The following NCAM1 variants were observed in gnomAD, a reference collection of about 807,000 sequenced individuals.
The protein encoded by NCAM1 is neural cell adhesion molecule 1, also known as antigen recognized by monoclonal antibody 5.1H11.
Under a neutral mutation model 109.8 loss-of-function variants are expected in NCAM1, and 14 were observed. The observed-to-expected ratio is 0.13, with a 90% CI of 0.08 to 0.20. NCAM1 has a LOEUF of 0.20. NCAM1 is among the 10% of genes least tolerant of loss of function. The pLI, the probability that NCAM1 is intolerant of heterozygous loss-of-function variation, is 1.00. For missense variants in NCAM1, 774 were observed against 1,109.9 expected, an observed-to-expected ratio of 0.70 and a Z score of 4.30; for synonymous variants, 418 against 442.9, an observed-to-expected ratio of 0.94 and a Z score of 0.70.
chr11:113,015,146 C>T (rs1952175597), intron 1 of NCAM1, among the ~76,000 whole-genome samples: 1 of 152,196 alleles, frequency 6.6e-6, no homozygotes, highest in Non-Finnish European at 1.5e-5. Context: ...CTTCTTGCAC[C>T]TCACCCTCTC....
Position 113,260,185 on chromosome 11 carries a change from G to T in NCAM1, c.1993G>T (p.Gly665Cys), listed in dbSNP as rs1591468019. ...GAAACCAGAGATCAGGCTCCCGTCT[G>T]GCAGTGACCACGTCATGCTGAAGTC... ...EWKPEIRLPS[G>C]SDHVMLKSLD... The change falls in exon 17 of 20, where the codon GGC becomes TGC. Residue 665 changes from glycine to cysteine, a missense_variant. Gly to Cys is a radical substitution (Grantham distance 159). This residue lies in a region of NCAM1 where 523 missense variants were observed against 784.2 expected (regional missense o/e 0.67). Coordinates refer to ENST00000316851, the MANE Select transcript of NCAM1 (RefSeq NM_181351.5). 6.2e-7 allele frequency: 1 copy of T among 1,613,874 alleles called. No individual in the cohort carries two copies. The highest frequency in any genetic ancestry group is 2.2e-5 in the East Asian group (1 of 44,868).
intron 1 of NCAM1, among the ~76,000 whole-genome samples, chr11:113,175,986 CA>C (rs1943133010): frequency 6.6e-6 from 1 of 152,032 alleles, no homozygotes; most frequent in African/African-American, 2.4e-5. Flanking sequence ...CATGTACTCC[CA>C]AAATATGTAT....
At chr11:113,260,420 C>CTT in intron 17 of NCAM1, 97 bp downstream of exon 17, 1 of 1,317,602 alleles carries the variant, frequency 7.6e-7, no homozygotes, top group South Asian at 1.4e-5. Flanking sequence ...AACTTGCTTG[C>CTT]TTACAGCCAT....
chr11:113,263,207 G>A, intron 17 of NCAM1: 1 of 1,102,420 alleles, frequency 9.1e-7, no homozygotes. Context: ...AAACCATCAT[G>A]CTAGATTTAC....
At chr11:112,985,210 G>A (rs1951267109) in intron 1 of NCAM1, among the ~76,000 whole-genome samples, 1 of 148,314 alleles carries the variant, frequency 6.7e-6, no homozygotes, top group South Asian at 2.1e-4. Context: ...ATATCCTTGG[G>A]TTTATTTCTG....
chr11:113,087,856 T>C (rs1591313877), intron 1 of NCAM1, among the ~76,000 whole-genome samples: 1 of 152,188 alleles, frequency 6.6e-6, no homozygotes, highest in East Asian at 1.9e-4. Flanking sequence ...CTTGAGGCAT[T>C]ATAGAGGTCA....
At chr11:113,140,909 GT>G (rs1313004937) in intron 1 of NCAM1, among the ~76,000 whole-genome samples, 3 of 150,198 alleles carry the variant, frequency 2.0e-5, no homozygotes, top group African/African-American at 7.4e-5. Flanking sequence ...CATTTTTTTT[GT>G]TTTTTTCTGA....
At chr11:113,258,809 A>C (rs1945898968) in intron 16 of NCAM1, among the ~76,000 whole-genome samples, 2 of 152,194 alleles carry the variant, frequency 1.3e-5, no homozygotes, top group African/African-American at 4.8e-5. Context: ...TCAAGAACAC[A>C]ATTAAGAAAA....
chr11:113,027,677 A>T (rs1385210917), intron 1 of NCAM1, among the ~76,000 whole-genome samples: 1 of 152,192 alleles, frequency 6.6e-6, no homozygotes, highest in Non-Finnish European at 1.5e-5. Context: ...GAACTGTCTC[A>T]CCCTGAACTG....
intron 1 of NCAM1, among the ~76,000 whole-genome samples, chr11:113,067,405 C>T (rs1938019467): frequency 6.6e-6 from 1 of 152,196 alleles, no homozygotes; most frequent in South Asian, 2.1e-4. Flanking sequence ...ACGGATATGA[C>T]CTCACAATTA....
At chr11:113,245,556 C>T (rs1042256583) in intron 14 of NCAM1, among the ~76,000 whole-genome samples, 1 of 152,188 alleles carries the variant, frequency 6.6e-6, no homozygotes, top group African/African-American at 2.4e-5. Flanking sequence ...ATTGTCTCAA[C>T]CATCAGAAGG....
chr11:113,128,776 A>T (rs148384573), intron 1 of NCAM1, among the ~76,000 whole-genome samples: 86 of 152,182 alleles, frequency 5.7e-4, no homozygotes, highest in Middle Eastern at 3.4e-3. Flanking sequence ...GAGTGGAGAG[A>T]TAGGGAGGAG....
In NCAM1 at chr11:113,162,617, G is replaced by C. The variant is rs147131306; in HGVS notation, c.53-39762G>C. 1.4e-3 allele frequency among the ~76,000 whole-genome samples: 212 copies of C among 152,300 alleles called. 1 individual carries two copies. The highest frequency in any genetic ancestry group is 5.2e-3 in the Admixed American group (79 of 15,296). ...AAAAATTGTTTTAATGGATTTTTGA[G>C]ATAAATATGAATTGCTGTGGAGGGA... On this transcript the variant is annotated intron_variant, in intron 1 of 19. Coordinates refer to ENST00000316851, the MANE Select transcript of NCAM1 (RefSeq NM_181351.5).
intron 1 of NCAM1, among the ~76,000 whole-genome samples, chr11:113,024,436 C>T (rs1555076819): frequency 6.6e-6 from 1 of 152,042 alleles, no homozygotes; most frequent in Non-Finnish European, 1.5e-5. Context: ...TCACTTCATT[C>T]TGTGTTTGTT....
chr11:113,111,812 C>T (rs558403093), intron 1 of NCAM1, among the ~76,000 whole-genome samples: 84 of 152,070 alleles, frequency 5.5e-4, no homozygotes, highest in South Asian at 2.1e-3. Flanking sequence ...CCTATTTTTT[C>T]ACTCAAAAAT....
At chr11:113,163,587 A>C (rs1365038585) in intron 1 of NCAM1, among the ~76,000 whole-genome samples, 1 of 152,136 alleles carries the variant, frequency 6.6e-6, no homozygotes, top group Non-Finnish European at 1.5e-5. Flanking sequence ...CTCTGAAAGG[A>C]AGAGATGTGT....
At chr11:113,230,403 A>G (rs1334826076) in intron 9 of NCAM1, among the ~76,000 whole-genome samples, 5 of 152,178 alleles carry the variant, frequency 3.3e-5, no homozygotes, top group Non-Finnish European at 4.4e-5. Flanking sequence ...GCTTCCAGAC[A>G]TGAAATGCAT....
chr11:113,275,308 A>G lies in NCAM1; in HGVS notation c.2498A>G (p.Glu833Gly). The change falls in exon 20 of 20, where the codon GAA (glutamate) becomes GGA (glycine). Residue 833 changes from glutamate (E) to glycine (G), a missense_variant. By Grantham distance (98) the Glu-to-Gly change is moderately conservative (BLOSUM62 -2). This residue lies in a region of NCAM1 where 122 missense variants were observed against 129.7 expected (regional missense o/e 0.94). Coordinates refer to ENST00000316851, the MANE Select transcript of NCAM1 (RefSeq NM_181351.5). ...GCAAAGCCAGAGTGCCAGGAGACAG[A>G]AACGAAGCCAGCGCCAGCCGAAGTC... ...VEAKPECQET[E>G]TKPAPAEVKT... 1 of 1,613,854 alleles carries G rather than the reference A, an allele frequency of 6.2e-7. No individual in the cohort carries two copies. Among genetic ancestry groups the G allele is most frequent in the African/African-American group, 1.3e-5 (1 of 75,036 alleles).
Position 113,260,150 on chromosome 11 carries a change from C to T in NCAM1, c.1958C>T (p.Ser653Phe), listed in dbSNP as rs782304550. 1.1e-5 allele frequency: 17 copies of T among 1,610,122 alleles called. No individual in the cohort carries two copies. The South Asian group carries it at 1.2e-4, about 12-fold the overall frequency. ...RHYLVRYRAL[S>F]SEWKPEIRLP... Reference sequence around the variant, plus strand: ...CTTGCCGGTTTCTCCCAGAAGCTCTCCTCCGAGTGGAAACCAGAGATCAGG... The same window carrying T: ...CTTGCCGGTTTCTCCCAGAAGCTCTTCTCCGAGTGGAAACCAGAGATCAGG... The change falls in exon 17 of 20, where the codon TCC becomes TTC. Residue 653 changes from serine (S) to phenylalanine (F), a missense_variant. Ser to Phe is a radical substitution (Grantham distance 155, BLOSUM62 -2). This residue lies in a region of NCAM1 where 523 missense variants were observed against 784.2 expected (regional missense o/e 0.67). Transcript: ENST00000316851.
Sources: gnomAD v4.1 joint callset for allele counts (sites outside exome capture counted in the v4.1 genomes callset) on GRCh38, gnomAD v4.1.1 for gene constraint, gnomAD v4.1.1 regional missense constraint, MANE v1.5 for transcripts, NCBI Gene and HGNC (gene_info 2026-07-23, HGNC 2026-07-21) for gene names.